The following WAPL variants were observed in gnomAD, a reference collection of about 807,000 sequenced individuals.
The protein encoded by WAPL is wings apart-like protein homolog.
In WAPL, 5 loss-of-function variants were observed where a neutral mutation model predicts 121.0. The ratio of observed to expected loss-of-function variants is 0.04; its 90% CI spans 0.02 to 0.09. The LOEUF is 0.09. WAPL is among the 10% of genes least tolerant of loss of function. WAPL has a pLI of 1.00. For missense variants in WAPL, 999 were observed against 1,410.8 expected (o/e 0.71, Z 4.68); for synonymous variants, 480 against 481.5 (o/e 1.00, Z 0.04).
intron 2 of WAPL, 60 bp downstream of exon 2, chr10:86,517,511 T>C: frequency 1.3e-6 from 2 of 1,513,552 alleles, no homozygotes; most frequent in East Asian, 4.5e-5. Context: ...ATTTAAATCA[T>C]TTAAATAAAT....
At chr10:86,508,979 G>A (rs1351999054) in intron 2 of WAPL, among the ~76,000 whole-genome samples, 6 of 151,602 alleles carry the variant, frequency 4.0e-5, no homozygotes, top group African/African-American at 4.8e-5. Flanking sequence ...TCCTGACCTC[G>A]TGATCCGCCC....
At chr10:86,485,872 G>C (rs1027785754) in intron 4 of WAPL, among the ~76,000 whole-genome samples, 2 of 152,002 alleles carry the variant, frequency 1.3e-5, no homozygotes, top group Non-Finnish European at 2.9e-5. Flanking sequence ...CACAGTGAAA[G>C]TCATGTAGTA....
At chr10:86,465,012 C>T (rs1841366962) in intron 9 of WAPL, among the ~76,000 whole-genome samples, 1 of 152,126 alleles carries the variant, frequency 6.6e-6, no homozygotes, top group South Asian at 2.1e-4. Flanking sequence ...TTAAATTGCT[C>T]TCCCATCCTC....
intron 4 of WAPL, among the ~76,000 whole-genome samples, chr10:86,481,706 A>G (rs543258060): frequency 1.3e-5 from 2 of 152,278 alleles, no homozygotes; most frequent in Admixed American, 6.5e-5. Flanking sequence ...TTATATAAAA[A>G]AGAAACATAG....
chr10:86,485,454 T>C (rs922501510), intron 4 of WAPL, among the ~76,000 whole-genome samples: 19 of 152,032 alleles, frequency 1.2e-4, no homozygotes, highest in South Asian at 2.1e-4. Context: ...GTTGAATCAC[T>C]TGAACCCAAG....
chr10:86,460,960 G>A (rs1445952795), intron 10 of WAPL, among the ~76,000 whole-genome samples: 2 of 152,138 alleles, frequency 1.3e-5, no homozygotes, highest in Non-Finnish European at 2.9e-5. Flanking sequence ...TGATCCGCCC[G>A]CCTTGGCCTC....
intron 17 of WAPL, 102 bp from the exon 18 acceptor site, chr10:86,438,117 T>TAA (rs1849370135): frequency 1.3e-6 from 1 of 778,864 alleles, no homozygotes; most frequent in East Asian, 2.5e-5. Context: ...TGCAAATTTT[T>TAA]AAGATCCTTG....
Position 86,521,405 on chromosome 10 carries a change from G to A in WAPL, c.-63C>T, listed in dbSNP as rs969229400. ...GGTGCTTTGGCCACGGGCCGCCTCC[G>A]CCTCTCCCGCTCCCTACGGCCCGCG... On this transcript the variant is annotated 5_prime_UTR_variant, in exon 1 of 19. Coordinates refer to ENST00000298767, the MANE Select transcript of WAPL (RefSeq NM_015045.5). 1.4e-5 allele frequency: 4 copies of A among 294,194 alleles called. No individual in the cohort carries two copies. Among genetic ancestry groups the A allele is most frequent in the Non-Finnish European group, 2.1e-5 (3 of 145,484 alleles). The allele number at this position is 294,194 out of a possible 1,614,324, so 18.2% of individuals were successfully genotyped here.
intron 4 of WAPL, among the ~76,000 whole-genome samples, chr10:86,483,794 C>CTT (rs35725128): frequency 0.01 from 713 of 69,220 alleles, 8 homozygotes; most frequent in East Asian, 0.063. Flanking sequence ...ATTTTTTTTT[C>CTT]TTTTTTTTTT....
intron 4 of WAPL, among the ~76,000 whole-genome samples, chr10:86,491,383 C>T (rs1256039247): frequency 6.6e-6 from 1 of 151,916 alleles, no homozygotes. Flanking sequence ...TCGTGATCCA[C>T]CCGCCTCGGC....
At chr10:86,482,418 A>G (rs1269175020) in intron 4 of WAPL, among the ~76,000 whole-genome samples, 5 of 152,220 alleles carry the variant, frequency 3.3e-5, no homozygotes, top group African/African-American at 4.8e-5. Flanking sequence ...TGTATGTAAT[A>G]TATGTATACG....
At chr10:86,454,885 G>A (rs12242394) in intron 12 of WAPL, among the ~76,000 whole-genome samples, 2,759 of 149,044 alleles carry the variant, frequency 0.019, 92 homozygotes, top group African/African-American at 0.065. Context: ...CTGCCCGACC[G>A]CCACCCCGTC....
intron 15 of WAPL, 66 bp downstream of exon 15, chr10:86,451,901 G>C: frequency 1.1e-5 from 18 of 1,572,250 alleles, no homozygotes; most frequent in Middle Eastern, 1.7e-4. Flanking sequence ...AGGTGCAAAT[G>C]ATAAAAGAAA....
rs1840999887 is a variant in WAPL, at chr10:86,452,233, G to A, written c.2950-102C>T. 1.0e-5 allele frequency: 11 copies of A among 1,104,698 alleles called. No homozygotes were observed. In the South Asian group the frequency reaches 1.9e-4, roughly 19 times the overall value. The allele number at this position is 1,104,698 out of a possible 1,614,324, so 68.4% of individuals were successfully genotyped here. A position where few individuals can be genotyped will look rare whatever the true frequency, so the allele number is the denominator to read the frequency against. ...ATGGCAACTAAAAAGCTGAATATCA[G>A]TGTTCTACCACCTACAAAATGGCTA... On this transcript the variant is annotated intron_variant, in intron 14 of 18. Coordinates refer to ENST00000298767, the MANE Select transcript of WAPL (RefSeq NM_015045.5).
chr10:86,481,808 T>C (rs2132203406), intron 4 of WAPL, among the ~76,000 whole-genome samples: 1 of 152,178 alleles, frequency 6.6e-6, no homozygotes, highest in South Asian at 2.1e-4. Flanking sequence ...TCATTAAACT[T>C]ACCTTTTTAT....
chr10:86,497,814 A>T (rs931692743), intron 3 of WAPL, among the ~76,000 whole-genome samples: 3 of 152,260 alleles, frequency 2.0e-5, no homozygotes, highest in Non-Finnish European at 2.9e-5. Context: ...GAGGACAGTT[A>T]TCCTTGGCAA....
At chr10:86,512,256 C>T (rs1019620729) in intron 2 of WAPL, among the ~76,000 whole-genome samples, 2 of 152,228 alleles carry the variant, frequency 1.3e-5, no homozygotes, top group African/African-American at 4.8e-5. Context: ...CTCTAACTTA[C>T]ACAAATACTC....
At chr10:86,453,146 C>T in intron 14 of WAPL, 74 bp downstream of exon 14, 2 of 1,326,910 alleles carry the variant, frequency 1.5e-6, no homozygotes, top group Non-Finnish European at 2.1e-6. Flanking sequence ...GGTTCTTAAA[C>T]CCAAACTAAG....
chr10:86,512,672 A>AT (rs1432391809), intron 2 of WAPL, among the ~76,000 whole-genome samples: 1 of 152,212 alleles, frequency 6.6e-6, no homozygotes, highest in Non-Finnish European at 1.5e-5. Context: ...GCAATCAGAA[A>AT]TTTCTGTTTT....
Sources: allele counts gnomAD v4.1 joint callset (sites outside exome capture counted in the v4.1 genomes callset), GRCh38; gene constraint gnomAD v4.1.1; transcripts MANE v1.5; gene names NCBI Gene and HGNC (gene_info 2026-07-23, HGNC 2026-07-21).